The following INPP4B variants were observed in gnomAD, a reference collection of about 807,000 sequenced individuals.
INPP4B encodes the protein inositol polyphosphate-4-phosphatase type II B.
A neutral mutation model predicts 122.5 loss-of-function variants in INPP4B; 55 were observed. The ratio of observed to expected loss-of-function variants is 0.45; its 90% CI spans 0.36 to 0.56. The LOEUF (loss-of-function observed/expected upper bound fraction) is 0.56. Ranked by LOEUF, INPP4B falls within the 20% of genes least tolerant of loss-of-function variation. The pLI, the probability that INPP4B is intolerant of heterozygous loss-of-function variation, is 0.00. For missense variants in INPP4B, 1,000 were observed against 1,097.7 expected (o/e 0.91, Z 1.26); for synonymous variants, 403 against 388.7 (o/e 1.04, Z -0.43).
intron 1 of INPP4B, among the ~76,000 whole-genome samples, chr4:142,759,994 A>G (rs1561038470): frequency 6.6e-6 from 1 of 152,070 alleles, no homozygotes; most frequent in Non-Finnish European, 1.5e-5. Flanking sequence ...AGTTTAAGAA[A>G]AGTCCTCTGA....
At chr4:142,739,156 G>A (rs555685329) in intron 1 of INPP4B, among the ~76,000 whole-genome samples, 19 of 152,096 alleles carry the variant, frequency 1.2e-4, no homozygotes, top group Admixed American at 1.0e-3. Flanking sequence ...TAATGCAAAA[G>A]AAAATCAATC....
intron 7 of INPP4B, among the ~76,000 whole-genome samples, chr4:142,356,878 G>A (rs754123389): frequency 1.3e-5 from 2 of 151,876 alleles, no homozygotes; most frequent in African/African-American, 2.4e-5. Context: ...AGGAAGGGGT[G>A]AGGGATTACA....
intron 11 of INPP4B, among the ~76,000 whole-genome samples, chr4:142,246,965 T>G (rs1454052181): frequency 6.6e-6 from 1 of 152,118 alleles, no homozygotes; most frequent in Non-Finnish European, 1.5e-5. Flanking sequence ...TTTCGAAATA[T>G]GTTCCATCAA....
At chr4:142,467,014 A>G (rs1817914257) in intron 2 of INPP4B, among the ~76,000 whole-genome samples, 1 of 152,230 alleles carries the variant, frequency 6.6e-6, no homozygotes. Context: ...CCTAGATTTT[A>G]GAGGATGTAT....
intron 25 of INPP4B, chr4:142,030,037 A>T: frequency 2.2e-6 from 3 of 1,382,738 alleles, no homozygotes; most frequent in Non-Finnish European, 1.9e-6. Context: ...AAATTCTGTG[A>T]ATTTGAAAAT....
In INPP4B at chr4:142,032,208, C is replaced by T. The variant is rs572534137; in HGVS notation, c.2643-3294G>A. ...AAGTTTAGGCTGGAGGACAAAGGGG[C>T]ATGAAGGAATACTGAGAGGGTGTTT... is the stretch of plus-strand genomic sequence containing the variant. On this transcript the variant is annotated intron_variant, in intron 25 of 25. Coordinates refer to ENST00000262992, the MANE Select transcript of INPP4B (RefSeq NM_001101669.3). Among the ~76,000 whole-genome samples the T allele has an allele frequency of 5.3e-5, 8 of 152,082 alleles. No homozygotes were observed. The East Asian group carries it at 1.5e-3, about 29-fold the overall frequency.
intron 1 of INPP4B, among the ~76,000 whole-genome samples, chr4:142,767,223 G>T (rs189851076): frequency 7.2e-5 from 11 of 152,230 alleles, no homozygotes; most frequent in Admixed American, 5.2e-4. Context: ...CTTCCGGTGG[G>T]GGAGGGGAAA....
chr4:142,431,242 T>C lies in INPP4B; in HGVS notation c.18A>G (p.Glu6=). MEIKE[E]GASEEGQHFL... is the part of the protein sequence containing the mutation. ...AGTGCTGCCCTTCTTCTGATGCCCC[T>C]TCCTCTTTAATTTCCATGATCAACC... is the stretch of plus-strand genomic sequence containing the variant. Residue 6 remains glutamate (E), a synonymous_variant, in exon 4 of 26, where the codon GAA becomes GAG. Coordinates refer to ENST00000262992, the MANE Select transcript of INPP4B (RefSeq NM_001101669.3). The C allele has an allele frequency of 6.2e-7, 1 of 1,613,068 alleles. No homozygotes were observed. Among genetic ancestry groups the C allele is most frequent in the Non-Finnish European group, 8.5e-7 (1 of 1,179,178 alleles).
chr4:142,800,881 C>T (rs1418180188), intron 1 of INPP4B, among the ~76,000 whole-genome samples: 2 of 152,122 alleles, frequency 1.3e-5, no homozygotes, highest in East Asian at 1.9e-4. Flanking sequence ...GAAGACAGCA[C>T]ATTATTCAAC....
intron 10 of INPP4B, among the ~76,000 whole-genome samples, chr4:142,268,307 A>AGCAAGAC (rs1743870546): frequency 7.2e-6 from 1 of 138,684 alleles, no homozygotes; most frequent in Admixed American, 7.3e-5. Context: ...TGGGTGACAG[A>AGCAAGAC]GCAAGACTCC....
At chr4:142,430,133 A>G (rs1808976196) in intron 4 of INPP4B, among the ~76,000 whole-genome samples, 1 of 152,146 alleles carries the variant, frequency 6.6e-6, no homozygotes, top group Non-Finnish European at 1.5e-5. Context: ...GGTCACTAAT[A>G]TATTTTAAGA....
chr4:142,811,609 T>C (rs1244602275), intron 1 of INPP4B, among the ~76,000 whole-genome samples: 4 of 152,224 alleles, frequency 2.6e-5, no homozygotes, highest in African/African-American at 9.6e-5. Flanking sequence ...ATTAGAATGA[T>C]GTGACTAACA....
intron 1 of INPP4B, among the ~76,000 whole-genome samples, chr4:142,788,582 A>G (rs572713911): frequency 6.6e-6 from 1 of 152,080 alleles, no homozygotes; most frequent in East Asian, 1.9e-4. Flanking sequence ...AGCAGTATAC[A>G]CTGCACACAA....
intron 23 of INPP4B, among the ~76,000 whole-genome samples, chr4:142,102,044 G>A (rs1234535221): frequency 6.6e-6 from 1 of 151,754 alleles, no homozygotes; most frequent in Non-Finnish European, 1.5e-5. Context: ...TCCTCTCATG[G>A]GAAGGTTTAC....
Position 142,422,231 on chromosome 4 carries a change from A to T in INPP4B, c.136+6942T>A, listed in dbSNP as rs78778172. On this transcript the variant is annotated intron_variant, in intron 5 of 25. Transcript: ENST00000262992. ...AAGAGCAATTACTCATAATGAAATGATAAGAAGTAATTAATATATGTAAAT... is the reference window on the plus strand; with the variant it reads ...AAGAGCAATTACTCATAATGAAATGTTAAGAAGTAATTAATATATGTAAAT... Among the ~76,000 whole-genome samples the T allele has an allele frequency of 2.3e-3, 352 of 152,262 alleles. 8 individuals are homozygous for T. The East Asian group carries it at 0.051, about 22-fold the overall frequency.
At position 142,606,513 on chromosome 4, in the gene INPP4B, T is replaced by C. The variant is rs576401925; in HGVS notation, c.-191+119326A>G. Among the ~76,000 whole-genome samples the C allele has an allele frequency of 9.2e-5, 14 of 152,054 alleles. No individual in the cohort carries two copies. The South Asian group carries it at 2.9e-3, about 32-fold the overall frequency. On this transcript the variant is annotated intron_variant, in intron 2 of 25. Coordinates refer to ENST00000262992, the MANE Select transcript of INPP4B (RefSeq NM_001101669.3). Reference sequence around the variant, plus strand: ...CTTTGCATATAAAAACACTCACATGTACCCTATACATGTGTAAATTTTTAT... The same window carrying C: ...CTTTGCATATAAAAACACTCACATGCACCCTATACATGTGTAAATTTTTAT...
intron 1 of INPP4B, among the ~76,000 whole-genome samples, chr4:142,787,637 A>G (rs1306588746): frequency 3.3e-5 from 5 of 152,104 alleles, no homozygotes; most frequent in Admixed American, 1.3e-4. Flanking sequence ...TTTATGCAGC[A>G]ATAGTTGGGA....
intron 18 of INPP4B, among the ~76,000 whole-genome samples, chr4:142,144,132 C>T (rs577654192): frequency 2.0e-5 from 3 of 151,336 alleles, no homozygotes; most frequent in African/African-American, 7.3e-5. Flanking sequence ...AATGATTCAT[C>T]TAATCTTACG....
chr4:142,125,431 C>T (rs1798245284), intron 18 of INPP4B, among the ~76,000 whole-genome samples: 1 of 151,944 alleles, frequency 6.6e-6, no homozygotes. Flanking sequence ...ATTATCTAAA[C>T]TTTGCCTATT....
Sources: allele counts gnomAD v4.1 joint callset (sites outside exome capture counted in the v4.1 genomes callset), GRCh38; gene constraint gnomAD v4.1.1; transcripts MANE v1.5; gene names NCBI Gene and HGNC (gene_info 2026-07-23, HGNC 2026-07-21).